The following ZNF69 variants were observed in gnomAD, a reference collection of about 807,000 sequenced individuals.
ZNF69 encodes the protein ZNF3.
In ZNF69, 47 loss-of-function variants were observed where a neutral mutation model predicts 50.9. The observed-to-expected ratio is 0.92, with a 90% CI of 0.73 to 1.18. ZNF69 has a LOEUF of 1.18. Ranked by LOEUF, ZNF69 falls within the 50% of genes most tolerant of loss-of-function variation. The pLI is 0.00. For missense variants in ZNF69, 717 were observed against 675.1 expected (o/e 1.06, Z -0.69); for synonymous variants, 216 against 223.1 (o/e 0.97, Z 0.29).
the ZNF69 span, among the ~76,000 whole-genome samples, chr19:11,963,334 C>T: frequency 1.6e-3 from 238 of 152,318 alleles, no homozygotes; most frequent in African/African-American, 5.4e-3. Flanking sequence ...TCTTCAAGTG[C>T]TCCTCCCACT....
chr19:11,904,045 A>T (rs970588520), intron 3 of ZNF69, 80 bp downstream of exon 3: 13 of 1,478,866 alleles, frequency 8.8e-6, no homozygotes, highest in Non-Finnish European at 1.0e-5. Flanking sequence ...TAAGTAAAAG[A>T]ACTAAGTCCA....
the ZNF69 span, among the ~76,000 whole-genome samples, chr19:11,927,112 G>A: frequency 5.9e-5 from 9 of 152,168 alleles, no homozygotes; most frequent in African/African-American, 1.7e-4. Context: ...AAGCACTTTG[G>A]GAGGCCAAGG....
At chr19:11,907,103 T>TGAAGTGA (rs1972389791), downstream of ZNF69, among the ~76,000 whole-genome samples, 1 of 151,818 alleles carries the variant, frequency 6.6e-6, no homozygotes, top group African/African-American at 2.4e-5. Flanking sequence ...ATGGATGAAA[T>TGAAGTGA]GAAGTGAGAA....
chr19:11,891,818 A>T (rs1435103560), intron 1 of ZNF69, among the ~76,000 whole-genome samples: 1 of 152,062 alleles, frequency 6.6e-6, no homozygotes, highest in Non-Finnish European at 1.5e-5. Flanking sequence ...GTGACTGGCA[A>T]GGAGTGTTTC....
the ZNF69 span, among the ~76,000 whole-genome samples, chr19:11,948,115 G>A: frequency 6.6e-6 from 1 of 152,160 alleles, no homozygotes; most frequent in Non-Finnish European, 1.5e-5. Context: ...GTATGGCTGG[G>A]TCATCTTGTA....
the ZNF69 span, among the ~76,000 whole-genome samples, chr19:11,955,743 C>T: frequency 2.6e-5 from 4 of 152,236 alleles, no homozygotes; most frequent in South Asian, 4.1e-4. Context: ...TACAAAGATT[C>T]GGAAAAATAT....
the ZNF69 span, chr19:11,978,397 C>T: frequency 6.2e-7 from 1 of 1,614,038 alleles, no homozygotes; most frequent in Non-Finnish European, 8.5e-7. Context: ...TATCACCCCT[C>T]CTTTAGAACA....
chr19:11,931,217 T>A, the ZNF69 span, among the ~76,000 whole-genome samples: 1 of 148,018 alleles, frequency 6.8e-6, no homozygotes, highest in Non-Finnish European at 1.5e-5. Context: ...CATTTATTTC[T>A]GGCAGTTCTT....
At chr19:11,891,112 C>T (rs967401945) in intron 1 of ZNF69, among the ~76,000 whole-genome samples, 2 of 152,032 alleles carry the variant, frequency 1.3e-5, no homozygotes, top group African/African-American at 4.8e-5. Context: ...TCACAAAGTG[C>T]AGTGAGAAGG....
At chr19:11,949,917 T>G in the ZNF69 span, 1 of 1,613,998 alleles carries the variant, frequency 6.2e-7, no homozygotes, top group Admixed American at 1.7e-5. Context: ...CCTTCAGATC[T>G]GCCTCAAACC....
At chr19:11,910,885 A>C (rs374298139), downstream of ZNF69, among the ~76,000 whole-genome samples, 1,926 of 152,336 alleles carry the variant, frequency 0.013, 23 homozygotes, top group South Asian at 0.025. Flanking sequence ...GTGAACAGGC[A>C]ACCTACAGAA....
the ZNF69 span, among the ~76,000 whole-genome samples, chr19:11,938,752 G>T: frequency 6.6e-6 from 1 of 152,158 alleles, no homozygotes; most frequent in South Asian, 2.1e-4. Context: ...GTAGTGGGAT[G>T]GCTGGATCAA....
chr19:11,901,826 T>G (rs1016930575), intron 1 of ZNF69, among the ~76,000 whole-genome samples: 1 of 152,014 alleles, frequency 6.6e-6, no homozygotes. Flanking sequence ...AAACAAAATG[T>G]GAAACTTATC....
In ZNF69 at chr19:11,905,271, C is replaced by T. The variant is rs763701573; in HGVS notation, c.874C>T (p.Arg292Cys). The T allele has an allele frequency of 2.2e-5, 35 of 1,613,912 alleles. No individual in the cohort carries two copies. The highest frequency in any genetic ancestry group is 6.7e-5 in the Admixed American group (4 of 59,984). ...GKAFHSPRCY[R>C]RHERIHTGEK... ...AGCATTTCATAGTCCCAGATGCTAT[C>T]GTAGACATGAAAGGATTCACACGGG... The change falls in exon 4 of 4, where the codon CGT (arginine) becomes TGT (cysteine). Residue 292 changes from arginine to cysteine, a missense_variant. Arg to Cys is a radical substitution (Grantham distance 180, BLOSUM62 -3). Transcript: ENST00000429654.
chr19:11,888,947 A>C (rs1324312392), intron 1 of ZNF69, among the ~76,000 whole-genome samples: 1 of 129,944 alleles, frequency 7.7e-6, no homozygotes, highest in African/African-American at 3.5e-5. Flanking sequence ...CTCCAGCCTC[A>C]GCACAGAGTG....
chr19:11,938,911 T>C, the ZNF69 span, among the ~76,000 whole-genome samples: 14,253 of 151,954 alleles, frequency 0.094, 1,233 homozygotes, highest in African/African-American at 0.23. Context: ...TTTTAATGAT[T>C]GCCATTCTAA....
chr19:11,936,918 C>T, the ZNF69 span, among the ~76,000 whole-genome samples: 22 of 152,238 alleles, frequency 1.4e-4, no homozygotes, highest in South Asian at 3.5e-3. Context: ...CTAGCCAGTT[C>T]TCCCAGCACC....
At chr19:11,976,780 C>T in the ZNF69 span, 15,998 of 922,488 alleles carry the variant, frequency 0.017, 167 homozygotes, top group South Asian at 0.022. Context: ...GCAGGAGAAT[C>T]GCTTGAACCC....
chr19:11,931,694 T>A, the ZNF69 span, among the ~76,000 whole-genome samples: 5 of 148,640 alleles, frequency 3.4e-5, 1 homozygote, highest in Non-Finnish European at 7.4e-5. Flanking sequence ...ATACTTAATC[T>A]CCTTTTAAGG....
Sources: allele counts gnomAD v4.1 joint callset (sites outside exome capture counted in the v4.1 genomes callset), GRCh38; gene constraint gnomAD v4.1.1; transcripts MANE v1.5; gene names NCBI Gene and HGNC (gene_info 2026-07-23, HGNC 2026-07-21).